Variants in IL12RB2 observed in about 807,000 individuals in gnomAD.
IL12RB2 encodes the protein interleukin 12 receptor subunit beta 2, also known as interleukin-12 receptor subunit beta-2.
A neutral mutation model predicts 89.4 loss-of-function variants in IL12RB2; 82 were observed. The observed-to-expected ratio is 0.92, with a 90% confidence interval of 0.77 to 1.10. The LOEUF (loss-of-function observed/expected upper bound fraction) is 1.10, where lower values mean the gene tolerates loss of function less well. Ranked by LOEUF, IL12RB2 falls within the 50% of genes least tolerant of loss-of-function variation. The pLI is 0.00. For synonymous variants in IL12RB2, 368 were observed against 370.1 expected, an observed-to-expected ratio of 0.99 and a Z score of 0.07; for missense variants, 963 against 1,031.9, an observed-to-expected ratio of 0.93 and a Z score of 0.92.
chr1:67,349,959 TTAG>T (rs1288727545), intron 9 of IL12RB2, among the ~76,000 whole-genome samples: 1 of 152,228 alleles, frequency 6.6e-6, no homozygotes, highest in Non-Finnish European at 1.5e-5. Context: ...AACCAAATTA[TTAG>T]AAGAGTGCTT....
chr1:67,348,228 T>G (rs755183653), intron 9 of IL12RB2, among the ~76,000 whole-genome samples: 1 of 152,166 alleles, frequency 6.6e-6, no homozygotes, highest in Non-Finnish European at 1.5e-5. Flanking sequence ...GATGAACTCA[T>G]GCTGCCTGTT....
Position 67,338,683 on chromosome 1 carries a change from C to A in IL12RB2, c.1018C>A (p.Gln340Lys). The A allele has an allele frequency of 6.6e-7, 1 of 1,522,418 alleles. No homozygotes were observed. Among genetic ancestry groups the A allele is most frequent in the Non-Finnish European group, 9.1e-7 (1 of 1,096,428 alleles). 94.3% of individuals were successfully genotyped at this position (1,522,418 alleles called of 1,614,324 possible). A position where few individuals can be genotyped will look rare whatever the true frequency, so the allele number is the denominator to read the frequency against. The part of the protein sequence containing the change: ...MKRHIDYSRQ[Q>K]ISLFWKNLSV... ...ACGGCACATTGACTACAGTAGACAA[C>A]AGATTTCTCTTTTCTGGAAGGTGAG... The change falls in exon 9 of 17, where the codon CAG (glutamine) becomes AAG (lysine). Residue 340 changes from glutamine (Q) to lysine (K), a missense_variant. Gln to Lys is a moderately conservative substitution (Grantham distance 53, BLOSUM62 1). Transcript: ENST00000674203.
intron 9 of IL12RB2, among the ~76,000 whole-genome samples, chr1:67,344,249 C>A (rs953701623): frequency 4.6e-5 from 7 of 152,100 alleles, no homozygotes; most frequent in Non-Finnish European, 8.8e-5. Flanking sequence ...TGTTATGTAG[C>A]CAAATTTTAA....
Position 67,330,857 on chromosome 1 carries a change from G to A in IL12RB2, c.958+47G>A, listed in dbSNP as rs555713270. ...ACCTATCGGGGAGCAATAAAGGGGA[G>A]AGAGGGGGGAAGATGTAATGATTTC... On this transcript the variant is annotated intron_variant, in intron 8 of 16. Coordinates refer to ENST00000674203, the MANE Select transcript of IL12RB2 (RefSeq NM_001374259.2). 1.1e-4 allele frequency: 106 copies of A among 1,007,340 alleles called. 2 individuals carry two copies. The South Asian group carries it at 1.3e-3, about 13-fold the overall frequency. The allele number at this position is 1,007,340 out of a possible 1,614,324, so 62.4% of individuals were successfully genotyped here.
At position 67,328,492 on chromosome 1, in the gene IL12RB2, C is replaced by T. The variant is rs1221626972; in HGVS notation, c.664+108C>T. On this transcript the variant is annotated intron_variant, in intron 6 of 16. Coordinates refer to ENST00000674203, the MANE Select transcript of IL12RB2 (RefSeq NM_001374259.2). ...AAAGACAGAGATTGATGGAAATTGG[C>T]CAACAGGCATAAGCAAAAGATAGAA... 8 of 1,576,684 alleles carry T rather than the reference C, an allele frequency of 5.1e-6. No homozygotes were observed. In the African/African-American group the frequency reaches 9.6e-5, roughly 19 times the overall value.
At chr1:67,310,849 C>T (rs1343910829) in intron 1 of IL12RB2, among the ~76,000 whole-genome samples, 1 of 152,146 alleles carries the variant, frequency 6.6e-6, no homozygotes, top group East Asian at 1.9e-4. Flanking sequence ...CTCAGCCTCC[C>T]AAATAGCTGG....
intron 10 of IL12RB2, among the ~76,000 whole-genome samples, chr1:67,366,452 CAAAAAAA>C (rs11329710): frequency 1.9e-5 from 1 of 53,406 alleles, no homozygotes; most frequent in Non-Finnish European, 3.7e-5. Flanking sequence ...GACTCCATCT[CAAAAAAA>C]AAAAAAAAAA....
intron 1 of IL12RB2, among the ~76,000 whole-genome samples, chr1:67,308,397 G>A (rs1343145727): frequency 1.3e-5 from 2 of 152,098 alleles, no homozygotes; most frequent in Non-Finnish European, 2.9e-5. Context: ...GCTTGAAAAT[G>A]TATCAAATGT....
intron 11 of IL12RB2, among the ~76,000 whole-genome samples, chr1:67,372,187 A>AGGTT (rs1663441351): frequency 6.6e-6 from 1 of 152,102 alleles, no homozygotes; most frequent in Non-Finnish European, 1.5e-5. Context: ...AAAGAAACTC[A>AGGTT]GGTTGGTTGG....
intron 10 of IL12RB2, 97 bp from the exon 11 acceptor site, chr1:67,367,728 C>T: frequency 1.3e-6 from 1 of 787,602 alleles, no homozygotes; most frequent in Middle Eastern, 3.6e-4. Flanking sequence ...CTTCCTAAAA[C>T]TTTTTCGTTG....
At chr1:67,369,805 G>A (rs765968078) in intron 11 of IL12RB2, among the ~76,000 whole-genome samples, 4 of 151,932 alleles carry the variant, frequency 2.6e-5, no homozygotes, top group African/African-American at 7.3e-5. Flanking sequence ...TTTGGGAGGC[G>A]GAGGTCAGGA....
chr1:67,349,359 A>G (rs1660578885), intron 9 of IL12RB2, among the ~76,000 whole-genome samples: 1 of 152,314 alleles, frequency 6.6e-6, no homozygotes, highest in East Asian at 1.9e-4. Context: ...GACTTGCAGA[A>G]GAGACACATA....
intron 16 of IL12RB2, among the ~76,000 whole-genome samples, chr1:67,395,113 TA>T (rs1666226443): frequency 6.6e-6 from 1 of 151,396 alleles, no homozygotes; most frequent in Non-Finnish European, 1.5e-5. Flanking sequence ...ACTAAAAATA[TA>T]AAAATTAGCC....
At chr1:67,349,225 G>A (rs150626302) in intron 9 of IL12RB2, among the ~76,000 whole-genome samples, 23 of 152,286 alleles carry the variant, frequency 1.5e-4, no homozygotes, top group African/African-American at 3.6e-4. Flanking sequence ...CAATGTTAGC[G>A]TTGGACTGAA....
intron 9 of IL12RB2, among the ~76,000 whole-genome samples, chr1:67,346,916 CATG>C (rs770494200): frequency 3.9e-5 from 6 of 152,120 alleles, no homozygotes; most frequent in African/African-American, 7.2e-5. Context: ...AACTGACAAT[CATG>C]ATATTTTTAT....
At chr1:67,367,495 G>GGAAGCAAA (rs1553124387) in intron 10 of IL12RB2, among the ~76,000 whole-genome samples, 3 of 133,284 alleles carry the variant, frequency 2.3e-5, no homozygotes, top group African/African-American at 8.2e-5. Context: ...AAGCAAAGAA[G>GGAAGCAAA]GAAGGAAAGA....
intron 2 of IL12RB2, among the ~76,000 whole-genome samples, chr1:67,318,792 G>A (rs994134810): frequency 1.2e-4 from 19 of 152,062 alleles, no homozygotes; most frequent in African/African-American, 4.3e-4. Context: ...GAGCTCAGGG[G>A]GATGTGTGAG....
chr1:67,357,120 G>A (rs916611444), intron 10 of IL12RB2, among the ~76,000 whole-genome samples: 4 of 152,170 alleles, frequency 2.6e-5, no homozygotes, highest in Admixed American at 2.6e-4. Context: ...ACTTTGGGAG[G>A]CTGAGACAGG....
chr1:67,396,110 A>T lies in IL12RB2; in HGVS notation c.*21A>T. The stretch of plus-strand genomic sequence containing the variant: ...TCTGAGTGGTGAGGCTTCAAGCCTT[A>T]AAGTCAGTGTGCCCTCAACCAGCAC... On this transcript the variant is annotated 3_prime_UTR_variant, in exon 17 of 17. Coordinates refer to ENST00000674203, the MANE Select transcript of IL12RB2 (RefSeq NM_001374259.2). The T allele has an allele frequency of 2.1e-6, 3 of 1,456,252 alleles. No homozygotes were observed. The highest frequency in any genetic ancestry group is 2.9e-6 in the Non-Finnish European group (3 of 1,037,342). 90.2% of individuals were successfully genotyped at this position (1,456,252 alleles called of 1,614,324 possible).
Sources: allele counts gnomAD v4.1 joint callset (sites outside exome capture counted in the v4.1 genomes callset), GRCh38; gene constraint gnomAD v4.1.1; transcripts MANE v1.5; gene names NCBI Gene and HGNC (gene_info 2026-07-23, HGNC 2026-07-21).